Variants in UIMC1 observed in about 807,000 individuals in gnomAD.
UIMC1 encodes the protein ubiquitin interaction motif containing 1.
A neutral mutation model predicts 84.9 loss-of-function variants in UIMC1; 42 were observed. The ratio of observed to expected loss-of-function variants is 0.49; its 90% CI spans 0.39 to 0.64. UIMC1 has a LOEUF of 0.64. Among genes scored for constraint, UIMC1 ranks in the 30% least tolerant of loss-of-function variants. The pLI is 0.00. For missense variants in UIMC1, 825 were observed against 847.6 expected, an observed-to-expected ratio of 0.97 and a Z score of 0.33; for synonymous variants, 281 against 293.0, an observed-to-expected ratio of 0.96 and a Z score of 0.42.
At chr5:176,987,181 T>C (rs866217271) in intron 1 of UIMC1, among the ~76,000 whole-genome samples, 24 of 152,114 alleles carry the variant, frequency 1.6e-4, no homozygotes, top group South Asian at 6.2e-4. Context: ...GATCGTGCCA[T>C]TGGCACTCCA....
At chr5:176,986,624 G>A (rs1022440929) in intron 1 of UIMC1, among the ~76,000 whole-genome samples, 1 of 149,814 alleles carries the variant, frequency 6.7e-6, no homozygotes, top group African/African-American at 2.4e-5. Flanking sequence ...AGGATGGCTT[G>A]AGCCCACAAG....
In UIMC1 at chr5:176,949,003, A is replaced by T. The variant is rs112900925; in HGVS notation, c.1443+2471T>A. On this transcript the variant is annotated intron_variant, in intron 9 of 14. Coordinates refer to ENST00000511320, the MANE Select transcript of UIMC1 (RefSeq NM_001199298.2). ...CTTCTTTTAATGGAAACTTTTTTTT[A>T]AAATATTTTCCTACTATATTTATTT... Among the ~76,000 whole-genome samples the T allele has an allele frequency of 8.2e-3, 665 of 81,290 alleles. 5 individuals carry two copies. Among genetic ancestry groups the T allele is most frequent in the African/African-American group, 0.029 (632 of 21,940 alleles). The allele number at this position is 81,290 out of a possible 152,430, so 53.3% of individuals were successfully genotyped here.
chr5:177,010,669 G>T (rs1384688761), upstream of UIMC1, among the ~76,000 whole-genome samples: 1 of 151,968 alleles, frequency 6.6e-6, no homozygotes, highest in Non-Finnish European at 1.5e-5. Context: ...TTACAGGCGT[G>T]TGCCACTGCA....
intron 10 of UIMC1, among the ~76,000 whole-genome samples, chr5:176,941,893 G>C (rs1256010243): frequency 6.6e-6 from 1 of 152,010 alleles, no homozygotes; most frequent in African/African-American, 2.4e-5. Context: ...GCCCAGGCTG[G>C]AGTGCAATGG....
chr5:176,979,043 A>T (rs968423556), intron 2 of UIMC1, among the ~76,000 whole-genome samples: 12 of 152,188 alleles, frequency 7.9e-5, no homozygotes, highest in African/African-American at 2.9e-4. Context: ...GCCTACCTAA[A>T]ATACCCAAGA....
At chr5:176,980,389 A>T (rs1185647854) in intron 2 of UIMC1, 1 of 152,018 alleles carries the variant, frequency 6.6e-6, no homozygotes, top group Non-Finnish European at 1.5e-5. Flanking sequence ...TCTCTGGAGG[A>T]CCTAACACAG....
At chr5:176,930,857 A>G (rs1380477019) in intron 10 of UIMC1, among the ~76,000 whole-genome samples, 6 of 152,232 alleles carry the variant, frequency 3.9e-5, no homozygotes, top group African/African-American at 7.2e-5. Flanking sequence ...CTAATCCATC[A>G]AACCATTTAT....
At position 177,022,513 on chromosome 5, in the gene UIMC1, AG is replaced by A. The variant is rs36057636; in HGVS notation, c.-59del. 3.5e-3 allele frequency: 1,722 copies of A among 497,956 alleles called. 20 individuals carry two copies. Among genetic ancestry groups the A allele is most frequent in the African/African-American group, 0.026 (1,266 of 48,768 alleles). The allele number at this position is 497,956 out of a possible 1,614,324, so 30.8% of individuals were successfully genotyped here. A position where few individuals can be genotyped will look rare whatever the true frequency, so the allele number is the denominator to read the frequency against. ...CCAAAACCACACGAGCCTCTCCGGG[AG>A]GGGGGGGTCACTGCTGCGGAATCAG... On this transcript the variant is annotated 5_prime_UTR_variant, in exon 1 of 6. Transcript: ENST00000509236.
intron 1 of UIMC1, among the ~76,000 whole-genome samples, chr5:176,996,682 A>T (rs1229584036): frequency 6.6e-6 from 1 of 152,162 alleles, no homozygotes; most frequent in Non-Finnish European, 1.5e-5. Flanking sequence ...TCCTCAGTTC[A>T]AATCACAGGT....
At chr5:176,943,525 A>G (rs1371606184) in intron 9 of UIMC1, 37 bp from the exon 10 acceptor site, 5 of 1,605,698 alleles carry the variant, frequency 3.1e-6, no homozygotes, top group East Asian at 2.2e-5. Flanking sequence ...TAACAGCTTT[A>G]GTTCATATCA....
intron 1 of UIMC1, among the ~76,000 whole-genome samples, chr5:177,020,234 C>A (rs1246964089): frequency 6.6e-6 from 1 of 152,070 alleles, no homozygotes; most frequent in East Asian, 1.9e-4. Flanking sequence ...TGCCTCAGGG[C>A]CTTTGTACCT....
intron 2 of UIMC1, among the ~76,000 whole-genome samples, chr5:176,976,479 A>G (rs1438339730): frequency 6.6e-6 from 1 of 152,216 alleles, no homozygotes; most frequent in Non-Finnish European, 1.5e-5. Context: ...CTTCACACCC[A>G]CTAGGATAAT....
chr5:176,944,593 A>T (rs1410074935), intron 9 of UIMC1, among the ~76,000 whole-genome samples: 3 of 152,246 alleles, frequency 2.0e-5, no homozygotes, highest in Non-Finnish European at 2.9e-5. Flanking sequence ...ACATGAGGAA[A>T]ACAAATAAAA....
chr5:176,948,723 G>A (rs1765446120), intron 9 of UIMC1, among the ~76,000 whole-genome samples: 1 of 152,178 alleles, frequency 6.6e-6, no homozygotes, highest in Non-Finnish European at 1.5e-5. Context: ...TGAGTAAAGT[G>A]ATTAATTTGC....
chr5:177,013,376 AC>A (rs1775600760), intron 1 of UIMC1, among the ~76,000 whole-genome samples: 1 of 151,170 alleles, frequency 6.6e-6, no homozygotes, highest in South Asian at 2.1e-4. Context: ...ACACACACAC[AC>A]ACACACACAC....
At chr5:177,014,090 C>T (rs940395436) in intron 1 of UIMC1, among the ~76,000 whole-genome samples, 5 of 111,826 alleles carry the variant, frequency 4.5e-5, no homozygotes, top group East Asian at 2.6e-4. Flanking sequence ...GACAGAGTTT[C>T]GCTCTTGTTG....
At chr5:176,935,022 A>G (rs1273319681) in intron 10 of UIMC1, among the ~76,000 whole-genome samples, 2 of 152,214 alleles carry the variant, frequency 1.3e-5, no homozygotes, top group East Asian at 1.9e-4. Context: ...TACTGAAATC[A>G]TATTTCCAAC....
At chr5:176,961,992 G>C (rs1767539511) in intron 6 of UIMC1, among the ~76,000 whole-genome samples, 1 of 74,580 alleles carries the variant, frequency 1.3e-5, no homozygotes, top group Admixed American at 1.0e-4. Flanking sequence ...GAGGGAGGTG[G>C]GGGGGTCAGC....
intron 1 of UIMC1, among the ~76,000 whole-genome samples, chr5:176,982,849 G>A (rs924614017): frequency 1.1e-4 from 16 of 152,012 alleles, no homozygotes; most frequent in African/African-American, 3.9e-4. Context: ...ACAGGCACAC[G>A]CCACCACACT....
Sources: allele counts gnomAD v4.1 joint callset (sites outside exome capture counted in the v4.1 genomes callset), GRCh38; gene constraint gnomAD v4.1.1; transcripts MANE v1.5; gene names NCBI Gene and HGNC (gene_info 2026-07-23, HGNC 2026-07-21).